Variants in CYBRD1 observed in about 807,000 individuals in gnomAD.
CYBRD1 encodes the protein cytochrome b reductase 1.
A neutral mutation model predicts 21.9 loss-of-function variants in CYBRD1; 14 were observed. That is an observed-to-expected ratio of 0.64 (90% CI 0.42 to 1.00). The LOEUF is 1.00. Among genes scored for constraint, CYBRD1 ranks in the 50% least tolerant of loss-of-function variants. The pLI, the probability that CYBRD1 is intolerant of heterozygous loss-of-function variation, is 0.00. For synonymous variants in CYBRD1, 146 were observed against 136.5 expected, an observed-to-expected ratio of 1.07 and a Z score of -0.48; for missense variants, 328 against 352.5, an observed-to-expected ratio of 0.93 and a Z score of 0.56.
chr2:171,544,579 G>A (rs1464228290), intron 2 of CYBRD1, among the ~76,000 whole-genome samples: 1 of 152,158 alleles, frequency 6.6e-6, no homozygotes, highest in African/African-American at 2.4e-5. Flanking sequence ...TGATATTTAA[G>A]TACTTACTTC....
intron 1 of CYBRD1, among the ~76,000 whole-genome samples, chr2:171,540,381 T>C (rs760377633): frequency 3.3e-5 from 5 of 152,236 alleles, no homozygotes; most frequent in Non-Finnish European, 7.3e-5. Flanking sequence ...TATTTATTCA[T>C]TCTATTGATG....
rs1439522242 is a variant in CYBRD1, at chr2:171,556,020, G to C, written c.*1193G>C. 6.6e-6 allele frequency: 1 copy of C among 152,194 alleles called. No individual in the cohort carries two copies. The highest frequency in any genetic ancestry group is 1.5e-5 in the Non-Finnish European group (1 of 68,040). The allele number at this position is 152,194 out of a possible 1,614,324, so 9.4% of individuals were successfully genotyped here. A position where few individuals can be genotyped will look rare whatever the true frequency, so the allele number is the denominator to read the frequency against. ...GCTGTTTGCTGTGGCAGATTCCCCA[G>C]ATAACCAAGGAAAAGGGGCCACCCA... On this transcript the variant is annotated 3_prime_UTR_variant, in exon 4 of 4. Coordinates refer to ENST00000321348, the MANE Select transcript of CYBRD1 (RefSeq NM_024843.4).
At chr2:171,542,479 C>T (rs1012290557) in intron 2 of CYBRD1, among the ~76,000 whole-genome samples, 4 of 151,936 alleles carry the variant, frequency 2.6e-5, no homozygotes, top group Non-Finnish European at 2.9e-5. Flanking sequence ...GGGAGACTGT[C>T]TCTACAAATA....
intron 1 of CYBRD1, among the ~76,000 whole-genome samples, chr2:171,525,641 T>C (rs978708840): frequency 9.9e-5 from 15 of 152,196 alleles, no homozygotes; most frequent in Non-Finnish European, 1.5e-4. Context: ...ACACGATGTA[T>C]TGGAGTTCTT....
At chr2:171,548,770 T>TAAAA (rs55810777) in intron 2 of CYBRD1, among the ~76,000 whole-genome samples, 2 of 116,016 alleles carry the variant, frequency 1.7e-5, no homozygotes, top group African/African-American at 6.2e-5. Context: ...TTACACACAC[T>TAAAA]AAAAAAAAAA....
chr2:171,553,506 T>C lies in CYBRD1; in HGVS notation c.557+6T>C. ...GAGAAACTGATTTTTTCCCTGTAAG[T>C]TGCATAGTCTTCTTAATTGTAATAC... On this transcript the variant is annotated splice_donor_region_variant and intron_variant, in intron 3 of 3. Coordinates refer to ENST00000321348, the MANE Select transcript of CYBRD1 (RefSeq NM_024843.4). 1.2e-6 allele frequency: 2 copies of C among 1,610,174 alleles called. No individual in the cohort carries two copies. The highest frequency in any genetic ancestry group is 8.5e-7 in the Non-Finnish European group (1 of 1,177,756).
In CYBRD1 at chr2:171,554,624, AC is replaced by A; in HGVS notation, c.660del (p.Arg221AspfsTer44). 1 of 1,613,972 alleles carries A rather than the reference AC, an allele frequency of 6.2e-7. No homozygotes were observed. On this transcript the variant is annotated frameshift_variant, in exon 4 of 4. Coordinates refer to ENST00000321348, the MANE Select transcript of CYBRD1 (RefSeq NM_024843.4). LOFTEE classifies it low-confidence loss of function (END_TRUNC). Reference protein sequence around the residue: ...VFGALIFWIVTRPQWKRPKEP... With the variant: ...VFGALIFWIVXRPQWKRPKEP... Reference sequence around the variant, plus strand: ...CGGGGCCCTCATTTTTTGGATAGTCACCAGACCGCAATGGAAACGTCCTAAG... The same window carrying A: ...CGGGGCCCTCATTTTTTGGATAGTCACAGACCGCAATGGAAACGTCCTAAG...
At chr2:171,536,113 A>G (rs1420507612) in intron 1 of CYBRD1, among the ~76,000 whole-genome samples, 1 of 147,206 alleles carries the variant, frequency 6.8e-6, no homozygotes, top group East Asian at 2.0e-4. Flanking sequence ...CCTTTGAGTC[A>G]TGATATCATG....
At position 171,541,790 on chromosome 2, in the gene CYBRD1, A is replaced by G. The variant is rs999642879; in HGVS notation, c.399A>G (p.Leu133=). 9.3e-6 allele frequency: 15 copies of G among 1,611,796 alleles called. No homozygotes were observed. In the Middle Eastern group the frequency reaches 5.0e-4, roughly 53 times the overall value. Residue 133 remains leucine, a synonymous_variant, in exon 2 of 4, where the codon TTA becomes TTG. Transcript: ENST00000321348. ...TGATAGCTGTCATATGCTATTTGTT[A>G]CAGGTCAGTATTTCAGTGTATTTAC... The part of the protein sequence containing the change: ...VGLIAVICYL[L]QLLSGFSVFL...
chr2:171,555,414 C>T lies in CYBRD1; in HGVS notation c.*587C>T, dbSNP rs2105349376. ...TTTGGGCTCAAATTGTCCCTGGAGACTAGGGTTTATGTTAGGGTATTGATA... is the reference window on the plus strand; with the variant it reads ...TTTGGGCTCAAATTGTCCCTGGAGATTAGGGTTTATGTTAGGGTATTGATA... On this transcript the variant is annotated 3_prime_UTR_variant, in exon 4 of 4. Transcript: ENST00000321348. 1 of 157,758 alleles carries T rather than the reference C, an allele frequency of 6.3e-6. No homozygotes were observed. The highest frequency in any genetic ancestry group is 1.9e-4 in the South Asian group (1 of 5,204). 9.8% of individuals were successfully genotyped at this position (157,758 alleles called of 1,614,324 possible). A position where few individuals can be genotyped will look rare whatever the true frequency, so the allele number is the denominator to read the frequency against.
intron 2 of CYBRD1, among the ~76,000 whole-genome samples, chr2:171,549,010 T>G (rs1242125097): frequency 6.6e-6 from 1 of 152,194 alleles, no homozygotes; most frequent in African/African-American, 2.4e-5. Context: ...TACATTTATA[T>G]CTTTAAGAAT....
At chr2:171,553,876 G>A (rs1324436279) in intron 3 of CYBRD1, among the ~76,000 whole-genome samples, 1 of 152,152 alleles carries the variant, frequency 6.6e-6, no homozygotes, top group Non-Finnish European at 1.5e-5. Flanking sequence ...TTTGAACAAA[G>A]AAGTGGACAA....
At chr2:171,553,993 C>T (rs1683437148) in intron 3 of CYBRD1, among the ~76,000 whole-genome samples, 1 of 152,154 alleles carries the variant, frequency 6.6e-6, no homozygotes, top group South Asian at 2.1e-4. Flanking sequence ...CACTCAACGG[C>T]CCGATAGGGA....
At chr2:171,550,754 A>G (rs1385074874) in intron 2 of CYBRD1, among the ~76,000 whole-genome samples, 1 of 152,164 alleles carries the variant, frequency 6.6e-6, no homozygotes, top group African/African-American at 2.4e-5. Flanking sequence ...CTACCTGCTT[A>G]GACTGTTGAG....
chr2:171,550,254 T>G (rs1223697808), intron 2 of CYBRD1, among the ~76,000 whole-genome samples: 1 of 152,110 alleles, frequency 6.6e-6, no homozygotes, highest in African/African-American at 2.4e-5. Flanking sequence ...TACAGGCATG[T>G]GCCACCATGC....
chr2:171,535,462 T>A (rs989197360), intron 1 of CYBRD1, among the ~76,000 whole-genome samples: 2 of 152,184 alleles, frequency 1.3e-5, no homozygotes, highest in African/African-American at 2.4e-5. Flanking sequence ...GGGGGCAAAG[T>A]TCAGTTTTAC....
chr2:171,522,567 C>G lies in CYBRD1; in HGVS notation c.22C>G (p.Arg8Gly). Residue 8 changes from arginine (R) to glycine (G), a missense_variant, in exon 1 of 4, where the codon CGC (arginine) becomes GGC (glycine). Physicochemically the swap from Arg to Gly is moderately radical, Grantham distance 125. Transcript: ENST00000321348. The surrounding 1 kb of genome is among the most constrained non-coding windows in gnomAD (Gnocchi z 4.3). ...GCTGATGGCCATGGAGGGCTACTGG[C>G]GCTTCCTGGCGCTGCTGGGGTCGGC... Reference protein sequence around the residue: MAMEGYWRFLALLGSALL... With the variant: MAMEGYWGFLALLGSALL... 6.2e-7 allele frequency: 1 copy of G among 1,607,442 alleles called. No homozygotes were observed. Among genetic ancestry groups the G allele is most frequent in the Non-Finnish European group, 8.5e-7 (1 of 1,177,682 alleles).
intron 1 of CYBRD1, among the ~76,000 whole-genome samples, chr2:171,531,186 T>G (rs1441816028): frequency 6.9e-6 from 1 of 145,306 alleles, no homozygotes; most frequent in Non-Finnish European, 1.5e-5. Context: ...AGACTAGAAA[T>G]CTTTGTTATA....
intron 1 of CYBRD1, among the ~76,000 whole-genome samples, chr2:171,528,781 C>T (rs1431896289): frequency 6.6e-6 from 1 of 152,174 alleles, no homozygotes; most frequent in Non-Finnish European, 1.5e-5. Flanking sequence ...CTTCCTCATG[C>T]CTGCAAAACC....
Sources: allele counts gnomAD v4.1 joint callset (sites outside exome capture counted in the v4.1 genomes callset), GRCh38; gene constraint gnomAD v4.1.1; non-coding constraint Gnocchi (gnomAD v3.1); transcripts MANE v1.5; gene names NCBI Gene and HGNC (gene_info 2026-07-23, HGNC 2026-07-21).